FCHSD2: variants seen among roughly 807,000 people sequenced by gnomAD.
The protein encoded by FCHSD2 is F-BAR and double SH3 domains protein 2.
In FCHSD2, 38 loss-of-function variants were observed where a neutral mutation model predicts 108.1. The observed-to-expected ratio is 0.35, with a 90% CI of 0.27 to 0.46. FCHSD2 has a LOEUF of 0.46. FCHSD2 is among the 20% of genes least tolerant of loss of function. FCHSD2 has a pLI of 1.00. For synonymous variants in FCHSD2, 279 were observed against 314.7 expected (o/e 0.89, Z 1.20); for missense variants, 751 against 897.8 (o/e 0.84, Z 2.09).
chr11:73,100,433 G>C (rs550897337), intron 2 of FCHSD2, among the ~76,000 whole-genome samples: 1 of 151,904 alleles, frequency 6.6e-6, no homozygotes. Context: ...GTGCAATCTC[G>C]GTTCACCGCA....
intron 2 of FCHSD2, among the ~76,000 whole-genome samples, chr11:73,121,688 T>C (rs977961353): frequency 6.6e-6 from 1 of 151,746 alleles, no homozygotes; most frequent in African/African-American, 2.4e-5. Flanking sequence ...CCTTAGATAT[T>C]GTAAGGTAAG....
At chr11:72,871,444 C>T (rs1854855118) in intron 12 of FCHSD2, among the ~76,000 whole-genome samples, 1 of 152,220 alleles carries the variant, frequency 6.6e-6, no homozygotes, top group Admixed American at 6.5e-5. Flanking sequence ...CATTCAGCTT[C>T]ATTGTTTCAC....
At chr11:73,015,514 G>A (rs1857951684) in intron 4 of FCHSD2, among the ~76,000 whole-genome samples, 1 of 151,914 alleles carries the variant, frequency 6.6e-6, no homozygotes, top group Admixed American at 6.6e-5. Context: ...AGCAATTTGT[G>A]TTCCATTGTC....
chr11:73,042,893 A>G (rs980796046), intron 3 of FCHSD2, among the ~76,000 whole-genome samples: 1 of 152,018 alleles, frequency 6.6e-6, no homozygotes, highest in African/African-American at 2.4e-5. Flanking sequence ...TGATTTTTGT[A>G]TGGTGATTTT....
chr11:72,906,612 A>G (rs1260494122), intron 9 of FCHSD2, among the ~76,000 whole-genome samples: 3 of 152,200 alleles, frequency 2.0e-5, no homozygotes, highest in Admixed American at 6.5e-5. Flanking sequence ...ATAAAGTGTA[A>G]GGAAGGGATC....
intron 5 of FCHSD2, among the ~76,000 whole-genome samples, chr11:72,992,931 T>G (rs942682900): frequency 2.6e-5 from 4 of 152,068 alleles, no homozygotes; most frequent in Non-Finnish European, 5.9e-5. Context: ...ACTAAAGAGC[T>G]TCTGCACAGC....
At position 72,953,623 on chromosome 11, in the gene FCHSD2, T is replaced by TG. The variant is rs1253353525; in HGVS notation, c.705+30464dup. Among the ~76,000 whole-genome samples the TG allele has an allele frequency of 2.2e-3, 36 of 16,250 alleles. 1 individual carries two copies. In the East Asian group the frequency reaches 0.045, roughly 21 times the overall value. The allele number at this position is 16,250 out of a possible 152,430, so 10.7% of individuals were successfully genotyped here. A position where few individuals can be genotyped will look rare whatever the true frequency, so the allele number is the denominator to read the frequency against. On this transcript the variant is annotated intron_variant, in intron 8 of 19. Coordinates refer to ENST00000409418, the MANE Select transcript of FCHSD2 (RefSeq NM_014824.3). ...TATTCCAGGTACTGGAGACACTGCATGGGGGAAAAAAAAAACACAAAAACT... is the reference window on the plus strand; with the variant it reads ...TATTCCAGGTACTGGAGACACTGCATGGGGGGAAAAAAAAAACACAAAAACT...
chr11:73,021,288 C>G (rs1284427901), intron 3 of FCHSD2, among the ~76,000 whole-genome samples: 1 of 147,960 alleles, frequency 6.8e-6, no homozygotes, highest in Non-Finnish European at 1.5e-5. Context: ...TTAGCAATAG[C>G]AAAGACATGG....
At chr11:72,915,218 T>C (rs1366530702) in intron 9 of FCHSD2, among the ~76,000 whole-genome samples, 1 of 151,692 alleles carries the variant, frequency 6.6e-6, no homozygotes, top group Non-Finnish European at 1.5e-5. Flanking sequence ...CCAATAAGAA[T>C]GGTTATCAAT....
At position 72,842,686 on chromosome 11, in the gene FCHSD2, A is replaced by G. The variant is rs1462176552; in HGVS notation, c.1861T>C (p.Ser621Pro). 1 of 1,614,044 alleles carries G rather than the reference A, an allele frequency of 6.2e-7. No homozygotes were observed. Among genetic ancestry groups the G allele is most frequent in the Non-Finnish European group, 8.5e-7 (1 of 1,179,904 alleles). Residue 621 changes from serine to proline, a missense_variant, in exon 17 of 20, where the codon TCG becomes CCG. Coordinates refer to ENST00000409418, the MANE Select transcript of FCHSD2 (RefSeq NM_014824.3). ...GCTGAAAGTTCTTCCACTAGCACCG[A>G]TGGGAAAACTCCAATACGCCCATTG... ...EFNGRIGVFP[S>P]VLVEELSASE...
In FCHSD2 at chr11:72,992,298, G is replaced by T. The variant is rs188552972; in HGVS notation, c.388-3201C>A. ...GAATGGAAGAACATTCCATGCTCAT[G>T]GGTAGAAAGAATCAATATCGTGAAA... On this transcript the variant is annotated intron_variant, in intron 5 of 19. Coordinates refer to ENST00000409418, the MANE Select transcript of FCHSD2 (RefSeq NM_014824.3). 2.7e-4 allele frequency among the ~76,000 whole-genome samples: 41 copies of T among 152,296 alleles called. 1 individual carries two copies. In the East Asian group the frequency reaches 7.9e-3, roughly 29 times the overall value.
chr11:73,019,775 T>C (rs907939603), intron 3 of FCHSD2, among the ~76,000 whole-genome samples: 16 of 152,236 alleles, frequency 1.1e-4, no homozygotes, highest in African/African-American at 3.9e-4. Flanking sequence ...AAGCATTCTA[T>C]GCTTAAATTA....
chr11:72,987,588 C>T (rs1857334090), intron 6 of FCHSD2, among the ~76,000 whole-genome samples: 1 of 152,180 alleles, frequency 6.6e-6, no homozygotes, highest in Admixed American at 6.5e-5. Context: ...ATTAATATGT[C>T]TAGCTTGCTG....
chr11:72,978,854 C>CTTT lies in FCHSD2; in HGVS notation c.705+5231_705+5233dup, dbSNP rs1190277188. ...ATTACCCAGTCTCAGGTAGCTCTTT[C>CTTT]TTTTTTTTTTTTTTTTTTTTGAGAT... is the stretch of plus-strand genomic sequence containing the variant. On this transcript the variant is annotated intron_variant, in intron 8 of 19. Transcript: ENST00000409418. 1.7e-3 allele frequency among the ~76,000 whole-genome samples: 183 copies of CTTT among 110,856 alleles called. 3 individuals are homozygous for CTTT. Among genetic ancestry groups the CTTT allele is most frequent in the South Asian group, 3.6e-3 (11 of 3,088 alleles). 72.7% of individuals were successfully genotyped at this position (110,856 alleles called of 152,430 possible).
At chr11:72,858,230 A>G (rs1370797347) in intron 13 of FCHSD2, among the ~76,000 whole-genome samples, 1 of 152,236 alleles carries the variant, frequency 6.6e-6, no homozygotes, top group Non-Finnish European at 1.5e-5. Flanking sequence ...CACAGTGGAC[A>G]TCACTCCAAA....
chr11:73,142,103 C>G lies in FCHSD2; in HGVS notation c.-226G>C, dbSNP rs995175801. On this transcript the variant is annotated 5_prime_UTR_variant, in exon 1 of 20. Transcript: ENST00000409418. ...GGAGGAGCACCGGGAAGGCTTGGGG[C>G]CCGGGCGGCCCGGGCGGCCCGGGGG... 4.6e-6 allele frequency: 2 copies of G among 436,942 alleles called. No homozygotes were observed. Among genetic ancestry groups the G allele is most frequent in the Non-Finnish European group, 8.2e-6 (2 of 245,264 alleles). 27.1% of individuals were successfully genotyped at this position (436,942 alleles called of 1,614,324 possible). A position where few individuals can be genotyped will look rare whatever the true frequency, so the allele number is the denominator to read the frequency against.
rs1368186503 is a variant in FCHSD2 at position 72,838,482 on chromosome 11, GC to G, written c.*308del. ...TTTAGGGACTGTGCCCTGGAATGAGGCCTGTTCTTGAGTCTCATATAAAAAC... is the reference window on the plus strand; with the variant it reads ...TTTAGGGACTGTGCCCTGGAATGAGGCTGTTCTTGAGTCTCATATAAAAAC... On this transcript the variant is annotated 3_prime_UTR_variant, in exon 20 of 20. Coordinates refer to ENST00000409418, the MANE Select transcript of FCHSD2 (RefSeq NM_014824.3). 2 of 413,616 alleles carry G rather than the reference GC, an allele frequency of 4.8e-6. No homozygotes were observed. The highest frequency in any genetic ancestry group is 9.0e-6 in the Non-Finnish European group (2 of 222,400). 25.6% of individuals were successfully genotyped at this position (413,616 alleles called of 1,614,324 possible).
chr11:73,081,154 G>A (rs187986695), intron 3 of FCHSD2, among the ~76,000 whole-genome samples: 17 of 152,012 alleles, frequency 1.1e-4, no homozygotes, highest in South Asian at 6.2e-4. Context: ...ACTTTAAATC[G>A]ACCAGGCACT....
At chr11:73,090,207 A>G (rs888106618) in intron 2 of FCHSD2, among the ~76,000 whole-genome samples, 1 of 150,332 alleles carries the variant, frequency 6.7e-6, no homozygotes, top group African/African-American at 2.4e-5. Context: ...ATTTATGGTA[A>G]TTACAATACT....
Sources: gnomAD v4.1 joint callset for allele counts (sites outside exome capture counted in the v4.1 genomes callset) on GRCh38, gnomAD v4.1.1 for gene constraint, MANE v1.5 for transcripts, NCBI Gene and HGNC (gene_info 2026-07-23, HGNC 2026-07-21) for gene names.